VAV2: variants seen among roughly 807,000 people sequenced by gnomAD.
VAV2 encodes the protein vav guanine nucleotide exchange factor 2, also known as guanine nucleotide exchange factor VAV2.
VAV2 carries 67 observed loss-of-function variants against 132.5 expected under a neutral mutation model. The ratio of observed to expected loss-of-function variants is 0.51; its 90% CI spans 0.42 to 0.62. The LOEUF is 0.62. Among genes scored for constraint, VAV2 ranks in the 20% least tolerant of loss-of-function variants. The probability of loss-of-function intolerance (pLI) is 0.00; values close to 1 mark genes in which losing one functional copy is unlikely to be tolerated. For missense variants in VAV2, 938 were observed against 1,153.6 expected, an observed-to-expected ratio of 0.81 and a Z score of 2.71; for synonymous variants, 492 against 443.5, an observed-to-expected ratio of 1.11 and a Z score of -1.37.
chr9:133,779,762 G>A (rs889816325), intron 21 of VAV2, among the ~76,000 whole-genome samples, 156 bp downstream of exon 21: 2 of 152,196 alleles, frequency 1.3e-5, no homozygotes, highest in African/African-American at 4.8e-5. Flanking sequence ...AGAGGCCAGA[G>A]AGGCAAGAGG....
chr9:133,909,308 C>T (rs1409544694), intron 2 of VAV2, among the ~76,000 whole-genome samples: 1 of 152,190 alleles, frequency 6.6e-6, no homozygotes, highest in Admixed American at 6.5e-5. Flanking sequence ...GGAAGCCACT[C>T]ACAGAGCTGA....
At chr9:133,914,991 C>CG (rs1046580105) in intron 2 of VAV2, among the ~76,000 whole-genome samples, 14 of 151,762 alleles carry the variant, frequency 9.2e-5, no homozygotes, top group South Asian at 2.1e-4. Flanking sequence ...ACAGCTCGCA[C>CG]GGGGGGAAGG....
intron 2 of VAV2, among the ~76,000 whole-genome samples, chr9:133,905,254 C>T (rs1301701826): frequency 7.6e-6 from 1 of 131,234 alleles, no homozygotes; most frequent in Non-Finnish European, 1.6e-5. Context: ...CACGGTGAAA[C>T]CCCATCTCTA....
At position 133,949,947 on chromosome 9, in the gene VAV2, G is replaced by A. The variant is rs868634771; in HGVS notation, c.205-10728C>T. ...CTCCTGTGCAGCCTGATTTCCAAAC[G>A]AGCTCTGCTGCAAACTTCAAGCGCC... On this transcript the variant is annotated intron_variant, in intron 1 of 29. Transcript: ENST00000371850. 3.9e-5 allele frequency among the ~76,000 whole-genome samples: 6 copies of A among 152,318 alleles called. No homozygotes were observed. In the South Asian group the frequency reaches 8.3e-4, roughly 21 times the overall value.
rs970983971 is a variant in VAV2, at chr9:133,788,726, C to T, written c.1275-240G>A. On this transcript the variant is annotated intron_variant, in intron 14 of 29. Coordinates refer to ENST00000371850, the MANE Select transcript of VAV2 (RefSeq NM_001134398.2). The surrounding 1 kb of genome is among the most constrained non-coding windows in gnomAD (Gnocchi z 5.3). The stretch of plus-strand genomic sequence containing the variant: ...CGTGACTGAGGCTGTGCCAGGAGCC[C>T]TTCAAGGGGCTCCTGCATCCCCCAC... Among the ~76,000 whole-genome samples, 1 of 152,136 alleles carries T rather than the reference C, an allele frequency of 6.6e-6. No individual in the cohort carries two copies. The highest frequency in any genetic ancestry group is 1.5e-5 in the Non-Finnish European group (1 of 68,006).
At chr9:133,989,190 T>C (rs1842941507) in intron 1 of VAV2, among the ~76,000 whole-genome samples, 1 of 152,006 alleles carries the variant, frequency 6.6e-6, no homozygotes, top group Admixed American at 6.5e-5. Flanking sequence ...AATACAAAAT[T>C]AGCTGGGCAT....
chr9:133,865,672 C>T (rs1169434329), intron 2 of VAV2, among the ~76,000 whole-genome samples: 2 of 152,188 alleles, frequency 1.3e-5, no homozygotes, highest in African/African-American at 2.4e-5. Flanking sequence ...TCTCTCTCAT[C>T]GACTGCATCT....
At chr9:133,790,080 C>G (rs2131616208) in intron 13 of VAV2, among the ~76,000 whole-genome samples, 1 of 152,344 alleles carries the variant, frequency 6.6e-6, no homozygotes, top group Non-Finnish European at 1.5e-5. Flanking sequence ...GATCTCAGCT[C>G]TCACCACCTT....
chr9:133,968,940 T>C (rs942388123), intron 1 of VAV2, among the ~76,000 whole-genome samples: 5 of 152,262 alleles, frequency 3.3e-5, no homozygotes, highest in South Asian at 4.2e-4. Flanking sequence ...AACAGATCAA[T>C]AGCAATAAGT....
intron 29 of VAV2, among the ~76,000 whole-genome samples, chr9:133,765,058 T>A (rs1268322975): frequency 6.6e-6 from 1 of 152,208 alleles, no homozygotes; most frequent in Non-Finnish European, 1.5e-5. Flanking sequence ...AAATGACTGA[T>A]TCCTGGGGGA....
At chr9:133,874,945 C>T (rs548561045) in intron 2 of VAV2, among the ~76,000 whole-genome samples, 21 of 152,286 alleles carry the variant, frequency 1.4e-4, no homozygotes, top group African/African-American at 5.1e-4. Context: ...AGAACCCTCA[C>T]CTTACACACA....
intron 2 of VAV2, among the ~76,000 whole-genome samples, chr9:133,917,697 G>C (rs545399571): frequency 6.6e-6 from 1 of 152,308 alleles, no homozygotes; most frequent in Admixed American, 6.5e-5. Flanking sequence ...AGGGAGGAAA[G>C]CGACTGGCCC....
intron 29 of VAV2, among the ~76,000 whole-genome samples, chr9:133,767,118 T>G (rs1448557951): frequency 6.6e-6 from 1 of 152,084 alleles, no homozygotes; most frequent in African/African-American, 2.4e-5. Context: ...AGTTAGATAA[T>G]TTAAACCCAA....
rs561096023 is a variant in VAV2, at chr9:133,918,862, G to A, written c.321+20241C>T. On this transcript the variant is annotated intron_variant, in intron 2 of 29. Coordinates refer to ENST00000371850, the MANE Select transcript of VAV2 (RefSeq NM_001134398.2). This position sits in a 1 kb window ranked among gnomAD's most constrained non-coding sequence, Gnocchi z 4.7. ...GCGATCTCGGCTCACTGCAACCTCC[G>A]CCTCCTGGGTTCAAGCGATTCCCCT... Among the ~76,000 whole-genome samples, 2 of 152,020 alleles carry A rather than the reference G, an allele frequency of 1.3e-5. No individual in the cohort carries two copies. Among genetic ancestry groups the A allele is most frequent in the South Asian group, 2.1e-4 (1 of 4,798 alleles).
At chr9:133,825,499 A>G (rs1216817991) in intron 4 of VAV2, among the ~76,000 whole-genome samples, 1 of 152,120 alleles carries the variant, frequency 6.6e-6, no homozygotes. Context: ...CCCCTTTGGA[A>G]AAACAATCCT....
At chr9:133,817,677 T>C (rs1835614651) in intron 4 of VAV2, among the ~76,000 whole-genome samples, 1 of 152,200 alleles carries the variant, frequency 6.6e-6, no homozygotes, top group African/African-American at 2.4e-5. Flanking sequence ...CAACGACTTT[T>C]CCCTCTGCCG....
intron 2 of VAV2, among the ~76,000 whole-genome samples, chr9:133,901,776 C>T (rs1839452550): frequency 6.6e-6 from 1 of 152,236 alleles, no homozygotes; most frequent in Admixed American, 6.5e-5. Context: ...ACAGACAGCC[C>T]TGCTGTCCCT....
chr9:133,990,750 G>A (rs559605485), intron 1 of VAV2, among the ~76,000 whole-genome samples: 4 of 152,318 alleles, frequency 2.6e-5, no homozygotes, highest in Admixed American at 1.3e-4. Context: ...CAGATCCGGG[G>A]AAGCCCTCTG....
At chr9:133,874,344 G>A (rs1838178045) in intron 2 of VAV2, among the ~76,000 whole-genome samples, 1 of 152,194 alleles carries the variant, frequency 6.6e-6, no homozygotes, top group African/African-American at 2.4e-5. Flanking sequence ...CAGCGCTGCT[G>A]TGGCTGCAGG....
Sources: allele counts gnomAD v4.1 joint callset (sites outside exome capture counted in the v4.1 genomes callset), GRCh38; gene constraint gnomAD v4.1.1; non-coding constraint Gnocchi (gnomAD v3.1); transcripts MANE v1.5; gene names NCBI Gene and HGNC (gene_info 2026-07-23, HGNC 2026-07-21).